The following NTM variants were observed in gnomAD, a reference collection of about 807,000 sequenced individuals.
The protein encoded by NTM is neurotrimin.
In NTM, 13 loss-of-function variants were observed where a neutral mutation model predicts 42.1. That is an observed-to-expected ratio of 0.31 (90% CI 0.20 to 0.49). The LOEUF (loss-of-function observed/expected upper bound fraction) is 0.49, where lower values mean the gene tolerates loss of function less well. Among genes scored for constraint, NTM ranks in the 20% least tolerant of loss-of-function variants. The pLI, the probability that NTM is intolerant of heterozygous loss-of-function variation, is 0.99. For missense variants in NTM, 373 were observed against 452.8 expected, an observed-to-expected ratio of 0.82 and a Z score of 1.60; for synonymous variants, 187 against 179.2, an observed-to-expected ratio of 1.04 and a Z score of -0.35.
chr11:132,221,618 G>A (rs1290002324), intron 4 of NTM, among the ~76,000 whole-genome samples: 1 of 152,150 alleles, frequency 6.6e-6, no homozygotes, highest in African/African-American at 2.4e-5. Context: ...AGCTGTAAGG[G>A]TGGGGTCCAG....
chr11:131,554,009 C>T (rs1031366726), intron 1 of NTM, among the ~76,000 whole-genome samples: 1 of 152,206 alleles, frequency 6.6e-6, no homozygotes. Flanking sequence ...CAATCCCACT[C>T]ATTTATCAAC....
intron 1 of NTM, among the ~76,000 whole-genome samples, chr11:131,822,311 C>A (rs2093222890): frequency 6.6e-6 from 1 of 152,140 alleles, no homozygotes; most frequent in South Asian, 2.1e-4. Flanking sequence ...ACCTGCTTGT[C>A]CCCAAAGACT....
At chr11:131,829,661 CT>C (rs2042567473) in intron 1 of NTM, among the ~76,000 whole-genome samples, 1 of 152,100 alleles carries the variant, frequency 6.6e-6, no homozygotes, top group Non-Finnish European at 1.5e-5. Context: ...GTGAATGCAA[CT>C]TTTTGGTAGA....
At chr11:132,102,565 G>A (rs544704558) in intron 2 of NTM, among the ~76,000 whole-genome samples, 4 of 152,320 alleles carry the variant, frequency 2.6e-5, no homozygotes, top group South Asian at 2.1e-4. Context: ...TTATAAGCAG[G>A]TAGCAAGGTA....
chr11:131,873,282 G>A (rs2047988069), intron 1 of NTM, among the ~76,000 whole-genome samples: 2 of 151,510 alleles, frequency 1.3e-5, no homozygotes, highest in Admixed American at 6.6e-5. Context: ...AACACCGCAT[G>A]TTCTCACTCA....
intron 1 of NTM, among the ~76,000 whole-genome samples, chr11:131,847,255 T>C (rs1339305864): frequency 1.3e-5 from 2 of 152,112 alleles, no homozygotes; most frequent in East Asian, 3.8e-4. Context: ...CTCAATGAAT[T>C]CCACTCTTAT....
intron 3 of NTM, among the ~76,000 whole-genome samples, chr11:132,190,753 A>AG (rs1377033829): frequency 1.1e-4 from 16 of 151,212 alleles, no homozygotes; most frequent in African/African-American, 1.9e-4. Context: ...AAAAAAAAAA[A>AG]AGAGACAGAT....
chr11:131,510,321 C>T lies in NTM; in HGVS notation c.82+139433C>T, dbSNP rs150478424. Among the ~76,000 whole-genome samples the T allele has an allele frequency of 1.7e-3, 252 of 152,304 alleles. 6 individuals are homozygous for T. The East Asian group carries it at 0.046, about 28-fold the overall frequency. On this transcript the variant is annotated intron_variant, in intron 1 of 8. Coordinates refer to ENST00000683400, the MANE Select transcript of NTM (RefSeq NM_001352005.2). Reference sequence around the variant, plus strand: ...CCCTGTACTTCCCACCACTTCAGCCCAGAGCAGCAGGGAATCTGCCAGGTG... The same window carrying T: ...CCCTGTACTTCCCACCACTTCAGCCTAGAGCAGCAGGGAATCTGCCAGGTG...
At chr11:131,987,310 A>G (rs146050045) in intron 2 of NTM, among the ~76,000 whole-genome samples, 2 of 152,004 alleles carry the variant, frequency 1.3e-5, no homozygotes, top group African/African-American at 4.8e-5. Flanking sequence ...ACACATGCAC[A>G]CTCCCACACA....
At chr11:131,510,979 T>C (rs1400972952) in intron 1 of NTM, among the ~76,000 whole-genome samples, 1 of 152,228 alleles carries the variant, frequency 6.6e-6, no homozygotes, top group Non-Finnish European at 1.5e-5. Flanking sequence ...GTCCTAACCT[T>C]GGTTCTGCCT....
intron 3 of NTM, among the ~76,000 whole-genome samples, chr11:132,163,488 T>C (rs931201920): frequency 6.6e-6 from 1 of 152,234 alleles, no homozygotes; most frequent in African/African-American, 2.4e-5. Flanking sequence ...ATGCACACTG[T>C]GTCATTTAAT....
chr11:132,302,915 G>A (rs146382266), intron 4 of NTM, among the ~76,000 whole-genome samples: 1 of 152,166 alleles, frequency 6.6e-6, no homozygotes, highest in Non-Finnish European at 1.5e-5. Flanking sequence ...GAATTTCCTA[G>A]GAAGATTATG....
At chr11:131,372,359 G>A (rs1194427117) in intron 1 of NTM, among the ~76,000 whole-genome samples, 1 of 152,136 alleles carries the variant, frequency 6.6e-6, no homozygotes, top group Non-Finnish European at 1.5e-5. Context: ...CTGTCCCCTA[G>A]GGGCTTTGGT....
chr11:131,899,993 C>T (rs1184931512), intron 1 of NTM, among the ~76,000 whole-genome samples: 2 of 152,306 alleles, frequency 1.3e-5, no homozygotes, highest in Non-Finnish European at 2.9e-5. Context: ...AATTATGTTC[C>T]AGGCATTGTG....
At chr11:132,119,761 A>G (rs1363153860) in intron 2 of NTM, among the ~76,000 whole-genome samples, 2 of 152,238 alleles carry the variant, frequency 1.3e-5, no homozygotes, top group African/African-American at 4.8e-5. Flanking sequence ...CCAAGGCTAC[A>G]GAAGGGCAGA....
At chr11:131,701,391 A>G (rs1430813359) in intron 1 of NTM, among the ~76,000 whole-genome samples, 7 of 152,164 alleles carry the variant, frequency 4.6e-5, no homozygotes, top group Non-Finnish European at 1.0e-4. Flanking sequence ...TTCTCCTCCA[A>G]TCACTGCTCT....
chr11:131,384,884 TTGTC>T (rs1943121859), intron 1 of NTM, among the ~76,000 whole-genome samples: 1 of 152,238 alleles, frequency 6.6e-6, no homozygotes, highest in African/African-American at 2.4e-5. Context: ...ATACTCTACT[TTGTC>T]TGTTCATGGC....
intron 3 of NTM, among the ~76,000 whole-genome samples, chr11:132,191,641 T>C (rs569953792): frequency 6.6e-6 from 1 of 152,284 alleles, no homozygotes; most frequent in East Asian, 1.9e-4. Flanking sequence ...CTCCAAATGA[T>C]CACACTAGCT....
chr11:132,065,138 T>G (rs1467090909), intron 2 of NTM, among the ~76,000 whole-genome samples: 1 of 152,166 alleles, frequency 6.6e-6, no homozygotes, highest in Non-Finnish European at 1.5e-5. Context: ...CCAGGAATCA[T>G]GAAAGCAGGC....
Sources: gnomAD v4.1 joint callset for allele counts (sites outside exome capture counted in the v4.1 genomes callset) on GRCh38, gnomAD v4.1.1 for gene constraint, MANE v1.5 for transcripts, NCBI Gene and HGNC (gene_info 2026-07-23, HGNC 2026-07-21) for gene names.